The following TMPRSS7 variants were observed in gnomAD, a reference collection of about 807,000 sequenced individuals.
TMPRSS7 encodes the protein transmembrane protease serine 7.
In TMPRSS7, 81 loss-of-function variants were observed where a neutral mutation model predicts 95.6. The ratio of observed to expected loss-of-function variants is 0.85; its 90% CI spans 0.71 to 1.02. TMPRSS7 has a LOEUF of 1.02. Among genes scored for constraint, TMPRSS7 ranks in the 50% least tolerant of loss-of-function variants. The probability of loss-of-function intolerance (pLI) is 0.00; values close to 1 mark genes in which losing one functional copy is unlikely to be tolerated. For synonymous variants in TMPRSS7, 364 were observed against 337.8 expected (o/e 1.08, Z -0.85); for missense variants, 945 against 955.2 (o/e 0.99, Z 0.14).
chr3:112,047,614 C>G (rs2073295828), intron 6 of TMPRSS7, 125 bp from the exon 7 acceptor site: 2 of 711,216 alleles, frequency 2.8e-6, no homozygotes, highest in South Asian at 3.5e-5. Context: ...GGAAGTGGAC[C>G]TAGGCTGGCC....
chr3:112,049,931 G>C, exon 8 of TMPRSS7: 2 of 1,568,978 alleles, frequency 1.3e-6, no homozygotes, highest in Non-Finnish European at 1.7e-6. Context: ...ATATACGGAG[G>C]CTCTCAGGAA....
chr3:112,047,250 C>G (rs1477736458), intron 6 of TMPRSS7, among the ~76,000 whole-genome samples: 1 of 152,176 alleles, frequency 6.6e-6, no homozygotes, highest in African/African-American at 2.4e-5. Flanking sequence ...ATCATCAGAA[C>G]TCTGCATCTC....
chr3:112,050,710 T>G, exon 9 of TMPRSS7: 1 of 1,605,014 alleles, frequency 6.2e-7, no homozygotes, highest in Non-Finnish European at 8.5e-7. Context: ...ATCACTGGCT[T>G]TGAAGGGAAA....
chr3:112,040,912 G>C (rs1364672401), intron 2 of TMPRSS7, among the ~76,000 whole-genome samples: 1 of 152,102 alleles, frequency 6.6e-6, no homozygotes, highest in Non-Finnish European at 1.5e-5. Flanking sequence ...TTGTACATTA[G>C]GCTGAACTGA....
intron 11 of TMPRSS7, 132 bp downstream of exon 11, chr3:112,062,055 C>G (rs1030843356): frequency 4.8e-6 from 2 of 414,928 alleles, no homozygotes; most frequent in African/African-American, 4.2e-5. Context: ...ATACTTATTT[C>G]TATAATAAAT....
At chr3:112,056,722 C>A (rs746664349) in intron 9 of TMPRSS7, among the ~76,000 whole-genome samples, 2 of 152,166 alleles carry the variant, frequency 1.3e-5, no homozygotes, top group Non-Finnish European at 2.9e-5. Flanking sequence ...CACTCATTAA[C>A]AAGTGGGTGT....
intron 9 of TMPRSS7, among the ~76,000 whole-genome samples, chr3:112,052,205 T>G (rs900114865): frequency 2.6e-5 from 4 of 152,076 alleles, no homozygotes; most frequent in South Asian, 2.1e-4. Context: ...GTTTGTTATC[T>G]TAAATAGGAT....
At chr3:112,056,943 C>G (rs1265726368) in intron 9 of TMPRSS7, 82 bp from the exon 10 acceptor site, 17 of 999,606 alleles carry the variant, frequency 1.7e-5, no homozygotes, top group Non-Finnish European at 2.4e-5. Context: ...GTAGAATGGC[C>G]TTAAAACAAC....
At chr3:112,046,916 A>G (rs2073285794) in intron 5 of TMPRSS7, 58 bp from the exon 6 acceptor site, 2 of 695,400 alleles carry the variant, frequency 2.9e-6, no homozygotes, top group East Asian at 2.7e-5. Flanking sequence ...ACTAAGCAAA[A>G]TTCTAACAAA....
chr3:112,037,968 G>A, intron 1 of TMPRSS7, 104 bp from the exon 2 acceptor site: 1 of 621,222 alleles, frequency 1.6e-6, no homozygotes. Flanking sequence ...TGCTTAAATA[G>A]TCATATTTAG....
intron 10 of TMPRSS7, among the ~76,000 whole-genome samples, chr3:112,058,212 C>G (rs2073455781): frequency 6.6e-6 from 1 of 152,200 alleles, no homozygotes; most frequent in Admixed American, 6.5e-5. Flanking sequence ...TTCCTTTAGA[C>G]AGACTACTTG....
chr3:112,078,953 A>G, intron 17 of TMPRSS7, 75 bp downstream of exon 17: 1 of 1,533,736 alleles, frequency 6.5e-7, no homozygotes, highest in Non-Finnish European at 8.8e-7. Flanking sequence ...TCTACATAAC[A>G]CTGGGAAATA....
intron 13 of TMPRSS7, among the ~76,000 whole-genome samples, chr3:112,068,849 C>T (rs757414824): frequency 4.6e-5 from 7 of 152,180 alleles, no homozygotes; most frequent in Non-Finnish European, 8.8e-5. Context: ...GCCAGAACTT[C>T]CAACACTATG....
intron 9 of TMPRSS7, among the ~76,000 whole-genome samples, chr3:112,053,515 G>A (rs925758958): frequency 2.0e-5 from 3 of 152,188 alleles, no homozygotes; most frequent in African/African-American, 7.2e-5. Flanking sequence ...TGTTCTCATG[G>A]AGCTTACAGA....
At chr3:112,077,032 G>T (rs747641702) in exon 16 of TMPRSS7, 1 of 1,614,152 alleles carries the variant, frequency 6.2e-7, no homozygotes, top group Non-Finnish European at 8.5e-7. Context: ...GTATTGCCTG[G>T]CCTGAGACCC....
At chr3:112,059,149 C>T (rs913119216) in intron 10 of TMPRSS7, among the ~76,000 whole-genome samples, 12 of 152,140 alleles carry the variant, frequency 7.9e-5, no homozygotes, top group Non-Finnish European at 1.3e-4. Context: ...GGTATATGAA[C>T]CCCGAAGAAA....
chr3:112,059,890 G>A (rs188182889), intron 10 of TMPRSS7, among the ~76,000 whole-genome samples: 1 of 152,336 alleles, frequency 6.6e-6, no homozygotes, highest in East Asian at 1.9e-4. Context: ...TGCTTTAGGG[G>A]CCTAGAGTAA....
Position 112,061,671 on chromosome 3 carries a change from T to C in TMPRSS7, c.1311-116T>C, listed in dbSNP as rs1030828858. 1.8e-5 allele frequency: 20 copies of C among 1,118,932 alleles called. No homozygotes were observed. The Admixed American group carries it at 3.3e-4, about 19-fold the overall frequency. The allele number at this position is 1,118,932 out of a possible 1,614,324, so 69.3% of individuals were successfully genotyped here. A position where few individuals can be genotyped will look rare whatever the true frequency, so the allele number is the denominator to read the frequency against. On this transcript the variant is annotated intron_variant, in intron 10 of 17. Coordinates refer to ENST00000452346, the Ensembl canonical transcript of TMPRSS7. ...TGAATAACTACCATTAGCTCTACCA[T>C]ACGCATCTCTGTTTGTGAAAACCAA...
At chr3:112,063,556 C>T (rs774790456) in exon 12 of TMPRSS7, 88 of 1,613,826 alleles carry the variant, frequency 5.5e-5, no homozygotes, top group East Asian at 6.7e-5. Flanking sequence ...GATGCTCCTC[C>T]GGTTTATGTG....
Sources: allele counts gnomAD v4.1 joint callset (sites outside exome capture counted in the v4.1 genomes callset), GRCh38; gene constraint gnomAD v4.1.1; transcripts MANE v1.5; gene names NCBI Gene and HGNC (gene_info 2026-07-23, HGNC 2026-07-21).